MAF: variants seen among roughly 807,000 people sequenced by gnomAD.
MAF encodes the protein MAF bZIP transcription factor.
MAF carries 10 observed loss-of-function variants against 22.0 expected under a neutral mutation model. The ratio of observed to expected loss-of-function variants is 0.45; its 90% confidence interval spans 0.28 to 0.77. The LOEUF (loss-of-function observed/expected upper bound fraction) is 0.77. MAF is among the 30% of genes least tolerant of loss of function. The pLI is 0.12. For missense variants in MAF, 544 were observed against 548.4 expected (o/e 0.99, Z 0.08); for synonymous variants, 337 against 255.8 (o/e 1.32, Z -3.03).
the MAF span, among the ~76,000 whole-genome samples, chr16:79,314,244 C>G: frequency 6.6e-6 from 1 of 152,164 alleles, no homozygotes; most frequent in African/African-American, 2.4e-5. Flanking sequence ...AAGGTGTTCA[C>G]CCTTCCTAGA....
chr16:79,433,934 G>C, the MAF span, among the ~76,000 whole-genome samples: 2 of 152,102 alleles, frequency 1.3e-5, no homozygotes. Context: ...TGGGACATAG[G>C]CCACAGTCCC....
the MAF span, among the ~76,000 whole-genome samples, chr16:79,253,391 AG>A: frequency 4.6e-4 from 70 of 152,312 alleles, no homozygotes; most frequent in African/African-American, 1.6e-3. Context: ...GATATGAGCA[AG>A]GTTCACTTAA....
At chr16:79,423,404 C>T in the MAF span, among the ~76,000 whole-genome samples, 1 of 152,222 alleles carries the variant, frequency 6.6e-6, no homozygotes, top group South Asian at 2.1e-4. Context: ...CCTATAAGGG[C>T]CGTGGAGGCT....
At chr16:79,495,250 C>G in the MAF span, among the ~76,000 whole-genome samples, 38 of 152,204 alleles carry the variant, frequency 2.5e-4, no homozygotes, top group East Asian at 7.3e-3. Flanking sequence ...TTGCTTGAAA[C>G]CAGCAGTTGG....
the MAF span, among the ~76,000 whole-genome samples, chr16:79,290,368 C>G: frequency 8.2e-3 from 1,255 of 152,290 alleles, 11 homozygotes; most frequent in Non-Finnish European, 0.015. Flanking sequence ...TTCCCCAGGA[C>G]TAGTTACATG....
downstream of MAF, among the ~76,000 whole-genome samples, chr16:79,583,577 T>C (rs1912657176): frequency 6.6e-6 from 1 of 152,188 alleles, no homozygotes; most frequent in Non-Finnish European, 1.5e-5. Context: ...GGGGCAGAGC[T>C]TAGACATGAG....
At chr16:79,486,486 C>A in the MAF span, among the ~76,000 whole-genome samples, 6 of 152,216 alleles carry the variant, frequency 3.9e-5, no homozygotes, top group East Asian at 7.7e-4. Flanking sequence ...TACCCAAAGA[C>A]TGATTTCATA....
the MAF span, among the ~76,000 whole-genome samples, chr16:79,213,101 TGGA>T: frequency 6.6e-6 from 1 of 152,208 alleles, no homozygotes. Context: ...TCCCATCTCA[TGGA>T]CACCATGATT....
chr16:79,464,273 A>G, the MAF span, among the ~76,000 whole-genome samples: 18 of 152,288 alleles, frequency 1.2e-4, no homozygotes, highest in East Asian at 5.8e-4. Flanking sequence ...GGTAAATGCA[A>G]GCATGAAGTG....
At chr16:79,375,460 C>T in the MAF span, among the ~76,000 whole-genome samples, 5 of 152,050 alleles carry the variant, frequency 3.3e-5, no homozygotes, top group Non-Finnish European at 7.4e-5. Flanking sequence ...TTCTTTCCCA[C>T]AGGGCATGGT....
At chr16:79,361,528 T>C in the MAF span, among the ~76,000 whole-genome samples, 1 of 152,180 alleles carries the variant, frequency 6.6e-6, no homozygotes, top group Non-Finnish European at 1.5e-5. Flanking sequence ...CGGATCTCTA[T>C]CTGGGTGAGC....
the MAF span, among the ~76,000 whole-genome samples, chr16:79,551,702 A>G: frequency 1.6e-4 from 24 of 152,222 alleles, no homozygotes; most frequent in African/African-American, 5.5e-4. Context: ...AGTCAAAAGA[A>G]TAGTATTTAA....
chr16:79,298,940 G>A, the MAF span, among the ~76,000 whole-genome samples: 783 of 152,366 alleles, frequency 5.1e-3, 8 homozygotes, highest in Non-Finnish European at 8.8e-3. Context: ...GTGGTAGGCC[G>A]ATCCTCTCAG....
At chr16:79,384,718 C>T in the MAF span, among the ~76,000 whole-genome samples, 2 of 151,832 alleles carry the variant, frequency 1.3e-5, no homozygotes, top group African/African-American at 4.8e-5. Context: ...GACCACGCCA[C>T]TGCACTCCAG....
At chr16:79,567,226 G>A in the MAF span, among the ~76,000 whole-genome samples, 46 of 152,270 alleles carry the variant, frequency 3.0e-4, no homozygotes, top group Non-Finnish European at 1.0e-4. Context: ...GCTGAGGCAG[G>A]AGAATCGCTT....
chr16:79,515,185 G>A, the MAF span, among the ~76,000 whole-genome samples: 6 of 152,048 alleles, frequency 3.9e-5, no homozygotes, highest in Non-Finnish European at 8.8e-5. Flanking sequence ...GTTATTTTTC[G>A]CCATTGTCAT....
At chr16:79,580,013 C>A in the MAF span, among the ~76,000 whole-genome samples, 1 of 152,076 alleles carries the variant, frequency 6.6e-6, no homozygotes, top group Non-Finnish European at 1.5e-5. Context: ...CCCTCTCAAA[C>A]AAAATAGGAC....
chr16:79,539,841 T>A, the MAF span, among the ~76,000 whole-genome samples: 2 of 152,228 alleles, frequency 1.3e-5, no homozygotes, highest in African/African-American at 2.4e-5. Context: ...GAGGCATGTG[T>A]GCATTGAAAA....
the MAF span, chr16:79,264,461 G>A: frequency 6.6e-6 from 1 of 152,106 alleles, no homozygotes; most frequent in African/African-American, 2.4e-5. Context: ...AGAGTCTATG[G>A]CCATACCATT....
Sources: gnomAD v4.1 joint callset for allele counts (sites outside exome capture counted in the v4.1 genomes callset) on GRCh38, gnomAD v4.1.1 for gene constraint, MANE v1.5 for transcripts, NCBI Gene and HGNC (gene_info 2026-07-23, HGNC 2026-07-21) for gene names.